The following ZNF385D variants were observed in gnomAD, a reference collection of about 807,000 sequenced individuals.
The protein encoded by ZNF385D is zinc finger protein 659.
Under a neutral mutation model 35.8 loss-of-function variants are expected in ZNF385D, and 15 were observed. That is an observed-to-expected ratio of 0.42 (90% confidence interval 0.28 to 0.64). The LOEUF (loss-of-function observed/expected upper bound fraction) is 0.64, where lower values mean the gene tolerates loss of function less well. Among genes scored for constraint, ZNF385D ranks in the 30% least tolerant of loss-of-function variants. The pLI is 0.23. For missense variants in ZNF385D, 474 were observed against 494.6 expected (o/e 0.96, Z 0.39); for synonymous variants, 212 against 186.8 (o/e 1.13, Z -1.10).
At chr3:21,611,338 G>A (rs2064671347) in intron 2 of ZNF385D, among the ~76,000 whole-genome samples, 1 of 152,180 alleles carries the variant, frequency 6.6e-6, no homozygotes, top group African/African-American at 2.4e-5. Flanking sequence ...TCAGGTTGCA[G>A]AGCTGCGCTT....
At chr3:21,702,731 C>T (rs1027526285) in intron 1 of ZNF385D, among the ~76,000 whole-genome samples, 1 of 152,124 alleles carries the variant, frequency 6.6e-6, no homozygotes, top group Non-Finnish European at 1.5e-5. Context: ...CACCAGATAC[C>T]CTAAATCATC....
intron 3 of ZNF385D, among the ~76,000 whole-genome samples, chr3:21,561,469 G>T (rs2062943439): frequency 6.6e-6 from 1 of 152,170 alleles, no homozygotes; most frequent in South Asian, 2.1e-4. Flanking sequence ...CCCTCTGTGG[G>T]CAGCACCCAC....
chr3:21,800,924 T>G (rs1386994125), intron 3 of ZNF385D, among the ~76,000 whole-genome samples: 1 of 152,142 alleles, frequency 6.6e-6, no homozygotes, highest in African/African-American at 2.4e-5. Context: ...TTGTTCCTGA[T>G]TTTAGGAAGA....
At chr3:21,435,255 ATTTTTTT>A (rs3064965) in intron 5 of ZNF385D, among the ~76,000 whole-genome samples, 1 of 113,420 alleles carries the variant, frequency 8.8e-6, no homozygotes, top group Admixed American at 1.1e-4. Flanking sequence ...ACAACTCCCA[ATTTTTTT>A]TTTTTTTTTT....
intron 3 of ZNF385D, among the ~76,000 whole-genome samples, chr3:21,526,540 G>C (rs999263325): frequency 1.3e-5 from 2 of 152,118 alleles, no homozygotes; most frequent in African/African-American, 4.8e-5. Context: ...ATGCAGCCAT[G>C]GAGATAGGAT....
At chr3:21,736,030 T>C (rs1247213228) in intron 1 of ZNF385D, among the ~76,000 whole-genome samples, 1 of 152,238 alleles carries the variant, frequency 6.6e-6, no homozygotes, top group South Asian at 2.1e-4. Context: ...ACTCAAGTTG[T>C]CTACTCAGAA....
chr3:22,186,173 G>T (rs1395760802), intron 2 of ZNF385D, among the ~76,000 whole-genome samples: 1 of 152,028 alleles, frequency 6.6e-6, no homozygotes, highest in Non-Finnish European at 1.5e-5. Context: ...TTTTTCTTTA[G>T]GAACTTCAAA....
chr3:21,687,202 T>A (rs1186900633), intron 1 of ZNF385D, among the ~76,000 whole-genome samples: 5 of 152,144 alleles, frequency 3.3e-5, no homozygotes, highest in Admixed American at 2.0e-4. Context: ...CGTGGGGTCA[T>A]CTTAGACCTT....
intron 2 of ZNF385D, among the ~76,000 whole-genome samples, chr3:22,344,529 A>G (rs1332183599): frequency 1.3e-5 from 2 of 151,972 alleles, no homozygotes; most frequent in Non-Finnish European, 2.9e-5. Flanking sequence ...ATCTAGGACT[A>G]CAGTTGCATA....
At chr3:21,772,584 T>C (rs980377567) in intron 3 of ZNF385D, among the ~76,000 whole-genome samples, 25 of 151,782 alleles carry the variant, frequency 1.6e-4, no homozygotes, top group Admixed American at 1.4e-3. Context: ...GGAGGAGAAA[T>C]TGAAACACTT....
intron 2 of ZNF385D, among the ~76,000 whole-genome samples, chr3:21,606,758 A>G (rs2064496927): frequency 6.6e-6 from 1 of 152,084 alleles, no homozygotes; most frequent in Admixed American, 6.6e-5. Context: ...TTTCCACCCC[A>G]TTGTCAGAAC....
At chr3:22,182,630 A>T (rs1254910906) in intron 2 of ZNF385D, among the ~76,000 whole-genome samples, 4 of 152,022 alleles carry the variant, frequency 2.6e-5, no homozygotes, top group Non-Finnish European at 5.9e-5. Flanking sequence ...CTCATTAAAA[A>T]GATAAACTAG....
At chr3:21,685,252 G>A (rs934646160) in intron 1 of ZNF385D, among the ~76,000 whole-genome samples, 2 of 152,182 alleles carry the variant, frequency 1.3e-5, no homozygotes, top group Admixed American at 6.5e-5. Flanking sequence ...AATGCAAGAG[G>A]AGTGTCTCTG....
chr3:21,632,649 A>G (rs2065315570), intron 2 of ZNF385D, among the ~76,000 whole-genome samples: 1 of 152,140 alleles, frequency 6.6e-6, no homozygotes, highest in Non-Finnish European at 1.5e-5. Context: ...TGTATTCTTT[A>G]ATGAAGGAAA....
chr3:21,683,300 T>A (rs902267667), intron 1 of ZNF385D, among the ~76,000 whole-genome samples: 1 of 149,768 alleles, frequency 6.7e-6, no homozygotes, highest in Non-Finnish European at 1.5e-5. Context: ...TTGTGGATAT[T>A]ACTTTTGTGA....
chr3:22,253,779 G>A (rs1441907458), intron 2 of ZNF385D, among the ~76,000 whole-genome samples: 1 of 151,922 alleles, frequency 6.6e-6, no homozygotes, highest in African/African-American at 2.4e-5. Flanking sequence ...TACTGAAGCA[G>A]TATAGCATTA....
At chr3:22,330,376 G>A (rs1204574925) in intron 2 of ZNF385D, among the ~76,000 whole-genome samples, 3 of 152,016 alleles carry the variant, frequency 2.0e-5, no homozygotes, top group Non-Finnish European at 4.4e-5. Context: ...CTGTCTTAAA[G>A]GTAAAAATTA....
intron 2 of ZNF385D, among the ~76,000 whole-genome samples, chr3:22,223,781 CATA>C (rs1204061300): frequency 2.0e-5 from 3 of 152,036 alleles, no homozygotes; most frequent in Non-Finnish European, 2.9e-5. Context: ...GTGTGTGTAC[CATA>C]ATGATTTCCG....
At chr3:21,998,337 T>C (rs975315292) in intron 3 of ZNF385D, among the ~76,000 whole-genome samples, 6 of 152,212 alleles carry the variant, frequency 3.9e-5, no homozygotes, top group African/African-American at 1.4e-4. Context: ...CTTTTACTGT[T>C]GGCTTGCTCT....
Sources: gnomAD v4.1 joint callset for allele counts (sites outside exome capture counted in the v4.1 genomes callset) on GRCh38, gnomAD v4.1.1 for gene constraint, MANE v1.5 for transcripts, NCBI Gene and HGNC (gene_info 2026-07-23, HGNC 2026-07-21) for gene names.